The following NACC2 variants were observed in gnomAD, a reference collection of about 807,000 sequenced individuals.
NACC2 encodes the protein NACC family member 2.
NACC2 carries 8 observed loss-of-function variants against 25.1 expected under a neutral mutation model. The observed-to-expected ratio is 0.32, with a 90% CI of 0.19 to 0.57. The LOEUF (loss-of-function observed/expected upper bound fraction) is 0.57, where lower values mean the gene tolerates loss of function less well. Among genes scored for constraint, NACC2 ranks in the 20% least tolerant of loss-of-function variants. NACC2 has a pLI of 0.89. For synonymous variants in NACC2, 435 were observed against 294.7 expected, an observed-to-expected ratio of 1.48 and a Z score of -4.88; for missense variants, 644 against 650.2, an observed-to-expected ratio of 0.99 and a Z score of 0.10.
chr9:136,061,917 C>T (rs1358444762), intron 1 of NACC2, among the ~76,000 whole-genome samples: 2 of 152,160 alleles, frequency 1.3e-5, no homozygotes, highest in South Asian at 2.1e-4. Context: ...GTCAGGAGTT[C>T]GAGACTAGCC....
At chr9:136,026,636 A>C (rs1475450829) in intron 2 of NACC2, among the ~76,000 whole-genome samples, 1 of 152,232 alleles carries the variant, frequency 6.6e-6, no homozygotes, top group Admixed American at 6.5e-5. Context: ...ATATAAACAC[A>C]ATGATGTAAA....
Position 136,011,918 on chromosome 9 carries a change from C to T in NACC2, c.1362G>A (p.Lys454=), listed in dbSNP as rs1840117082. The change falls in exon 6 of 6, where the codon AAG becomes AAA. Residue 454 remains lysine, a synonymous_variant. Coordinates refer to ENST00000277554, the MANE Select transcript of NACC2 (RefSeq NM_144653.5). The part of the protein sequence containing the change: ...ARRVRKRWLP[K]IKSMLPEGVE... Reference sequence around the variant, plus strand: ...CGCCCTCCGGCAGCATGGACTTGATCTTGGGCAGCCAGCGCTTGCGAACGC... The same window carrying T: ...CGCCCTCCGGCAGCATGGACTTGATTTTGGGCAGCCAGCGCTTGCGAACGC... The T allele has an allele frequency of 6.3e-7, 1 of 1,595,718 alleles. No homozygotes were observed.
rs564904411 is a variant in NACC2, at chr9:136,028,727, C to T, written c.887-12298G>A. ...GCTGTGGCTGCAGACCTGAGCATCT[C>T]TGCACTCTTGGGGGCCTGGGAAGCC... On this transcript the variant is annotated intron_variant, in intron 2 of 5. Transcript: ENST00000277554. 4.7e-4 allele frequency among the ~76,000 whole-genome samples: 71 copies of T among 152,360 alleles called. 1 individual carries two copies. The highest frequency in any genetic ancestry group is 8.5e-4 in the Admixed American group (13 of 15,310).
At chr9:136,026,668 G>A (rs998135943) in intron 2 of NACC2, among the ~76,000 whole-genome samples, 1 of 152,198 alleles carries the variant, frequency 6.6e-6, no homozygotes, top group African/African-American at 2.4e-5. Flanking sequence ...ACGTCTAGTG[G>A]TGCTTACAAC....
intron 2 of NACC2, among the ~76,000 whole-genome samples, chr9:136,025,310 C>G (rs17040643): frequency 0.22 from 34,186 of 152,050 alleles, 4,907 homozygotes; most frequent in East Asian, 0.34. Flanking sequence ...TACGACTCCT[C>G]ACCTGTTTTC....
Position 136,050,584 on chromosome 9 carries a change from T to TG in NACC2, c.-59-5dup, listed in dbSNP as rs998507017. On this transcript the variant is annotated splice_region_variant and splice_polypyrimidine_tract_variant and intron_variant, in intron 1 of 5. Coordinates refer to ENST00000277554, the MANE Select transcript of NACC2 (RefSeq NM_144653.5). Reference sequence around the variant, plus strand: ...GGGCGGCCCTAGCGGGGCTCATCTGTGGGGGGCAGGAGGCACGTGGTCAGT... The same window carrying TG: ...GGGCGGCCCTAGCGGGGCTCATCTGTGGGGGGGCAGGAGGCACGTGGTCAGT... The TG allele has an allele frequency of 1.4e-5, 10 of 716,932 alleles. No homozygotes were observed. The highest frequency in any genetic ancestry group is 1.3e-4 in the East Asian group (5 of 38,138). The allele number at this position is 716,932 out of a possible 1,614,324, so 44.4% of individuals were successfully genotyped here.
chr9:136,050,693 C>G, intron 1 of NACC2, 113 bp from the exon 2 acceptor site: 1 of 627,850 alleles, frequency 1.6e-6, no homozygotes. Context: ...GCGAGCCTTC[C>G]GCACGCGCCC....
At chr9:136,074,842 C>T (rs1024613668) in intron 1 of NACC2, among the ~76,000 whole-genome samples, 7 of 152,206 alleles carry the variant, frequency 4.6e-5, no homozygotes, top group Non-Finnish European at 8.8e-5. Context: ...GGCGTCTACA[C>T]CTCACACAGA....
chr9:136,017,398 T>C (rs1377008672), intron 2 of NACC2, among the ~76,000 whole-genome samples: 2 of 152,020 alleles, frequency 1.3e-5, no homozygotes, highest in Non-Finnish European at 2.9e-5. Flanking sequence ...AGACCCCTCA[T>C]CTGACGACCA....
chr9:136,021,721 T>C (rs1588559352), intron 2 of NACC2, among the ~76,000 whole-genome samples: 1 of 152,326 alleles, frequency 6.6e-6, no homozygotes, highest in Non-Finnish European at 1.5e-5. Context: ...GCAATGGGCA[T>C]GCAGATAAAG....
chr9:136,028,374 TC>T (rs1409800134), intron 2 of NACC2, among the ~76,000 whole-genome samples: 1 of 130,772 alleles, frequency 7.6e-6, no homozygotes, highest in Non-Finnish European at 1.6e-5. Context: ...TGCCTTTGCT[TC>T]CTTTTTTTTT....
intron 2 of NACC2, among the ~76,000 whole-genome samples, chr9:136,048,876 C>A (rs377618210): frequency 1.3e-5 from 2 of 152,318 alleles, no homozygotes; most frequent in Non-Finnish European, 2.9e-5. Context: ...CGGGGTCCAC[C>A]ACCTGCCCGT....
chr9:136,088,022 G>A (rs958449703), intron 1 of NACC2, among the ~76,000 whole-genome samples: 6 of 151,774 alleles, frequency 4.0e-5, no homozygotes, highest in Non-Finnish European at 8.8e-5. Flanking sequence ...CTGCTGAGAA[G>A]TTCCAGAGGT....
intron 2 of NACC2, among the ~76,000 whole-genome samples, chr9:136,021,192 C>A (rs1840286641): frequency 6.6e-6 from 1 of 152,174 alleles, no homozygotes; most frequent in Non-Finnish European, 1.5e-5. Flanking sequence ...CAGTTAAAAA[C>A]CAACAATCCA....
At chr9:136,029,362 C>T (rs779741475) in intron 2 of NACC2, among the ~76,000 whole-genome samples, 1 of 152,206 alleles carries the variant, frequency 6.6e-6, no homozygotes, top group African/African-American at 2.4e-5. Context: ...CCAGGGTCTC[C>T]TTGAGAGCTG....
rs902388037 is a variant in NACC2, at chr9:136,019,968, G to A, written c.887-3539C>T. Among the ~76,000 whole-genome samples, 5 of 152,036 alleles carry A rather than the reference G, an allele frequency of 3.3e-5. No homozygotes were observed. The highest frequency in any genetic ancestry group is 5.9e-5 in the Non-Finnish European group (4 of 68,008). On this transcript the variant is annotated intron_variant, in intron 2 of 5. Coordinates refer to ENST00000277554, the MANE Select transcript of NACC2 (RefSeq NM_144653.5). This position sits in a 1 kb window ranked among gnomAD's most constrained non-coding sequence, Gnocchi z 5.2. ...CCAGAGTCGTCAGGTCCACAGAGGC[G>A]GGAAACAGAGGGTGGGTGCCGGGGC...
chr9:136,083,173 G>A (rs949307510), intron 1 of NACC2, among the ~76,000 whole-genome samples: 3 of 152,210 alleles, frequency 2.0e-5, no homozygotes, highest in Admixed American at 6.5e-5. Context: ...GACATCACAC[G>A]CTCCCAACAG....
Position 136,011,994 on chromosome 9 carries a change from T to C in NACC2, c.1286A>G (p.Lys429Arg). ...GGCGATCACGTTCATCTCGCTCTCC[T>C]TGAAGCTGGGGGCGAAGTTCTGACA... ...LYCQNFAPSF[K>R]ESEMNVIAAD... The change falls in exon 6 of 6, where the codon AAG (lysine) becomes AGG (arginine). Residue 429 changes from lysine (K) to arginine (R), a missense_variant. Transcript: ENST00000277554. The C allele has an allele frequency of 6.3e-7, 1 of 1,599,272 alleles. No homozygotes were observed. Among genetic ancestry groups the C allele is most frequent in the Non-Finnish European group, 8.5e-7 (1 of 1,173,704 alleles).
intron 1 of NACC2, among the ~76,000 whole-genome samples, chr9:136,082,088 T>A (rs149788615): frequency 6.6e-6 from 1 of 151,880 alleles, no homozygotes. Context: ...CTCCAAAGAC[T>A]CTCCACCTGA....
Sources: gnomAD v4.1 joint callset for allele counts (sites outside exome capture counted in the v4.1 genomes callset) on GRCh38, gnomAD v4.1.1 for gene constraint, Gnocchi (gnomAD v3.1) non-coding constraint, MANE v1.5 for transcripts, NCBI Gene and HGNC (gene_info 2026-07-23, HGNC 2026-07-21) for gene names.